SLC5A4: variants seen among roughly 807,000 people sequenced by gnomAD.
SLC5A4 encodes the protein probable glucose sensor protein SLC5A4.
Under a neutral mutation model 70.3 loss-of-function variants are expected in SLC5A4, and 55 were observed. The observed-to-expected ratio is 0.78, with a 90% confidence interval of 0.63 to 0.98. The LOEUF is 0.98. SLC5A4 is among the 50% of genes least tolerant of loss of function. SLC5A4 has a pLI of 0.00. For missense variants in SLC5A4, 735 were observed against 839.2 expected, an observed-to-expected ratio of 0.88 and a Z score of 1.53; for synonymous variants, 268 against 305.7, an observed-to-expected ratio of 0.88 and a Z score of 1.29.
At chr22:32,270,839 C>A in the SLC5A4 span, 1 of 561,114 alleles carries the variant, frequency 1.8e-6, no homozygotes, top group Non-Finnish European at 3.3e-6. Context: ...TAGTGGCTGC[C>A]ACGACCACCT....
upstream of SLC5A4, among the ~76,000 whole-genome samples, chr22:32,259,474 C>A (rs1484347432): frequency 6.6e-6 from 1 of 151,804 alleles, no homozygotes; most frequent in Non-Finnish European, 1.5e-5. Context: ...TGTTTTTTTC[C>A]TTTGTTCTAT....
the SLC5A4 span, chr22:32,277,031 A>T: frequency 6.6e-6 from 1 of 152,206 alleles, no homozygotes; most frequent in Non-Finnish European, 1.5e-5. Flanking sequence ...AATGTAAGTG[A>T]CATGATTTAC....
chr22:32,307,697 A>T, the SLC5A4 span, among the ~76,000 whole-genome samples: 1 of 152,302 alleles, frequency 6.6e-6, no homozygotes, highest in African/African-American at 2.4e-5. Flanking sequence ...TACAGCAAGG[A>T]ACTAGGGCAC....
the SLC5A4 span, among the ~76,000 whole-genome samples, chr22:32,315,201 A>G: frequency 6.6e-6 from 1 of 152,302 alleles, no homozygotes; most frequent in South Asian, 2.1e-4. Context: ...GAGTGCCAGC[A>G]ATGAGCACAG....
the SLC5A4 span, among the ~76,000 whole-genome samples, chr22:32,297,536 TTCTC>T: frequency 1.0e-4 from 8 of 78,750 alleles, 1 homozygote; most frequent in Non-Finnish European, 2.1e-4. Context: ...TATTTGATTC[TTCTC>T]TCTTTTTTTC....
At chr22:32,328,099 C>T in the SLC5A4 span, among the ~76,000 whole-genome samples, 2 of 151,482 alleles carry the variant, frequency 1.3e-5, no homozygotes, top group African/African-American at 4.8e-5. Flanking sequence ...AACACACAAA[C>T]ACACACACAC....
the SLC5A4 span, among the ~76,000 whole-genome samples, chr22:32,315,140 A>C: frequency 6.6e-6 from 1 of 152,218 alleles, no homozygotes; most frequent in Non-Finnish European, 1.5e-5. Context: ...AAGCATAACA[A>C]ATGCAAATGA....
rs1170342825 is a variant in SLC5A4 at position 32,239,593 on chromosome 22, TAAATTA to T, written c.478-509_478-504del. ...ATTTATATATATATTTATATATATA[TAAATTA>T]TATAAAATATATGTATAATATATAA... On this transcript the variant is annotated intron_variant, in intron 5 of 14. Transcript: ENST00000266086. Among the ~76,000 whole-genome samples, 46 of 28,420 alleles carry T rather than the reference TAAATTA, an allele frequency of 1.6e-3. 5 individuals carry two copies. The highest frequency in any genetic ancestry group is 2.5e-3 in the Non-Finnish European group (38 of 15,416). The allele number at this position is 28,420 out of a possible 152,430, so 18.6% of individuals were successfully genotyped here.
In SLC5A4 at chr22:32,255,219, C is replaced by A; in HGVS notation, c.111G>T (p.Leu37=). The part of the protein sequence containing the change: ...ADISVIVIYF[L]VVMAVGLWAM... ...CCCACAGCCCAACAGCCATCACCACCAGAAAATAGATGACAATGACTGAGA... is the reference window on the plus strand; with the variant it reads ...CCCACAGCCCAACAGCCATCACCACAAGAAAATAGATGACAATGACTGAGA... Residue 37 remains leucine, a synonymous_variant, in exon 1 of 15, where the codon CTG becomes CTT. Coordinates refer to ENST00000266086, the MANE Select transcript of SLC5A4 (RefSeq NM_014227.3). 1.2e-6 allele frequency: 2 copies of A among 1,614,054 alleles called. No individual in the cohort carries two copies. Among genetic ancestry groups the A allele is most frequent in the Non-Finnish European group, 1.7e-6 (2 of 1,180,018 alleles).
the SLC5A4 span, among the ~76,000 whole-genome samples, chr22:32,310,493 C>A: frequency 7.3e-6 from 1 of 136,228 alleles, no homozygotes; most frequent in East Asian, 2.3e-4. Flanking sequence ...CTGTGCACCC[C>A]CTTATGGCAA....
chr22:32,307,514 G>A, the SLC5A4 span, among the ~76,000 whole-genome samples: 4 of 152,186 alleles, frequency 2.6e-5, no homozygotes, highest in Admixed American at 6.5e-5. Flanking sequence ...AGTGGCAGGC[G>A]TTCGGCAAGT....
At chr22:32,267,785 G>C in the SLC5A4 span, among the ~76,000 whole-genome samples, 1 of 152,210 alleles carries the variant, frequency 6.6e-6, no homozygotes, top group African/African-American at 2.4e-5. Flanking sequence ...CATGTGGCAG[G>C]ACAGCCCAGT....
chr22:32,351,550 A>G, the SLC5A4 span, among the ~76,000 whole-genome samples: 3 of 151,220 alleles, frequency 2.0e-5, no homozygotes, highest in Non-Finnish European at 2.9e-5. Flanking sequence ...AAAAATACAA[A>G]AATTAGCCGG....
At chr22:32,348,395 T>G in the SLC5A4 span, among the ~76,000 whole-genome samples, 1 of 152,152 alleles carries the variant, frequency 6.6e-6, no homozygotes, top group Non-Finnish European at 1.5e-5. Context: ...AGCCCAGGCC[T>G]GGCCTTCTGT....
At chr22:32,305,799 A>C in the SLC5A4 span, among the ~76,000 whole-genome samples, 3 of 150,930 alleles carry the variant, frequency 2.0e-5, no homozygotes, top group South Asian at 6.3e-4. Context: ...ACCAGGGGCC[A>C]CTGAAGGCAT....
At chr22:32,349,201 C>T in the SLC5A4 span, among the ~76,000 whole-genome samples, 4 of 152,102 alleles carry the variant, frequency 2.6e-5, no homozygotes, top group African/African-American at 9.7e-5. Context: ...TCTCGATCTC[C>T]TGACCTCATG....
At chr22:32,224,216 G>T (rs375644869) in intron 13 of SLC5A4, 51 bp downstream of exon 13, 139 of 1,448,042 alleles carry the variant, frequency 9.6e-5, no homozygotes, top group Non-Finnish European at 1.3e-4. Context: ...CACTGCGCCC[G>T]GCCAAGAACT....
At chr22:32,239,261 C>T (rs1926244699) in intron 5 of SLC5A4, among the ~76,000 whole-genome samples, 171 bp from the exon 6 acceptor site, 1 of 151,408 alleles carries the variant, frequency 6.6e-6, no homozygotes, top group African/African-American at 2.4e-5. Context: ...CCTCAAAAAA[C>T]GATTTTTACT....
At chr22:32,354,869 C>T in the SLC5A4 span, 10,869 of 152,452 alleles carry the variant, frequency 0.071, 815 homozygotes, top group East Asian at 0.45. Context: ...GCTCTAGTCT[C>T]CCTGGCCCGC....
Sources: allele counts gnomAD v4.1 joint callset (sites outside exome capture counted in the v4.1 genomes callset), GRCh38; gene constraint gnomAD v4.1.1; transcripts MANE v1.5; gene names NCBI Gene and HGNC (gene_info 2026-07-23, HGNC 2026-07-21).